FYN: variants seen among roughly 807,000 people sequenced by gnomAD.
The protein encoded by FYN is FYN proto-oncogene, Src family tyrosine kinase, also known as tyrosine-protein kinase Fyn.
In FYN, 10 loss-of-function variants were observed where a neutral mutation model predicts 70.2. The ratio of observed to expected loss-of-function variants is 0.14; its 90% CI spans 0.09 to 0.24. FYN has a LOEUF of 0.24. Ranked by LOEUF, FYN falls within the 10% of genes least tolerant of loss-of-function variation. FYN has a pLI of 1.00. For synonymous variants in FYN, 236 were observed against 248.6 expected (o/e 0.95, Z 0.48); for missense variants, 319 against 673.1 (o/e 0.47, Z 5.82).
In FYN at chr6:111,750,376, CCTCGCT is replaced by C. The variant is rs1279899632; in HGVS notation, c.-12+30184_-12+30189del. Reference sequence around the variant, plus strand: ...TCTCCTGCTCCCACCATGTGAGATGCCTCGCTTCCCCTTTGCCTTCCGCCATGATTG... The same window carrying C: ...TCTCCTGCTCCCACCATGTGAGATGCTCCCCTTTGCCTTCCGCCATGATTG... On this transcript the variant is annotated intron_variant, in intron 3 of 13. Transcript: ENST00000354650. Among the ~76,000 whole-genome samples the C allele has an allele frequency of 4.6e-5, 7 of 152,292 alleles. No homozygotes were observed. In the East Asian group the frequency reaches 1.4e-3, roughly 29 times the overall value.
rs548786047 is a variant in FYN at position 111,863,296 on chromosome 6, T to C, written c.-123+9672A>G. ...TTCTTAAAATATCCTTATGTGCATG[T>C]ATGTGCCTAGGTACAGGCAATACAT... On this transcript the variant is annotated intron_variant, in intron 1 of 13. Coordinates refer to ENST00000354650, the MANE Select transcript of FYN (RefSeq NM_002037.5). Among the ~76,000 whole-genome samples, 6 of 152,356 alleles carry C rather than the reference T, an allele frequency of 3.9e-5. No individual in the cohort carries two copies. The South Asian group carries it at 1.2e-3, about 32-fold the overall frequency.
intron 13 of FYN, 55 bp from the exon 14 acceptor site, chr6:111,662,002 C>T (rs1797755465): frequency 1.4e-6 from 2 of 1,422,594 alleles, no homozygotes; most frequent in Non-Finnish European, 1.9e-6. Flanking sequence ...GCCCTGACCG[C>T]CGCACTTGCA....
At chr6:111,693,433 C>T (rs1473088409) in intron 12 of FYN, among the ~76,000 whole-genome samples, 1 of 152,082 alleles carries the variant, frequency 6.6e-6, no homozygotes, top group Non-Finnish European at 1.5e-5. Context: ...AGCCTATACT[C>T]GATTGCAAAC....
chr6:111,714,574 T>C, intron 4 of FYN, 131 bp from the exon 5 acceptor site: 1 of 701,566 alleles, frequency 1.4e-6, no homozygotes. Context: ...GATGAAGTGT[T>C]GTAATTAACG....
intron 3 of FYN, among the ~76,000 whole-genome samples, chr6:111,756,829 T>C (rs1802757997): frequency 6.6e-6 from 1 of 152,148 alleles, no homozygotes; most frequent in Non-Finnish European, 1.5e-5. Flanking sequence ...TTTCATAATC[T>C]AATAGAAAGT....
intron 1 of FYN, among the ~76,000 whole-genome samples, chr6:111,858,125 G>C (rs1178418541): frequency 6.6e-6 from 1 of 152,094 alleles, no homozygotes; most frequent in Non-Finnish European, 1.5e-5. Context: ...ATTTCCCCAC[G>C]CCATGTACAG....
chr6:111,804,354 T>A (rs958587914), intron 2 of FYN, among the ~76,000 whole-genome samples: 1 of 152,176 alleles, frequency 6.6e-6, no homozygotes, highest in African/African-American at 2.4e-5. Flanking sequence ...TTCTGGGCAT[T>A]CCTTTCTTCC....
chr6:111,664,310 C>A (rs1444701502), intron 13 of FYN, among the ~76,000 whole-genome samples: 2 of 152,126 alleles, frequency 1.3e-5, no homozygotes, highest in Non-Finnish European at 2.9e-5. Flanking sequence ...GGTGCGGTTA[C>A]AGCCCCTGAA....
chr6:111,686,167 C>A (rs1583305234), intron 12 of FYN, among the ~76,000 whole-genome samples: 5 of 152,126 alleles, frequency 3.3e-5, no homozygotes, highest in Admixed American at 3.3e-4. Context: ...ACCTGCTCCC[C>A]CTAACTATTA....
chr6:111,705,333 A>T (rs1800023678), intron 6 of FYN, among the ~76,000 whole-genome samples: 1 of 150,898 alleles, frequency 6.6e-6, no homozygotes, highest in Admixed American at 6.6e-5. Flanking sequence ...AAGTAAAGGC[A>T]TTTATTTACC....
intron 3 of FYN, among the ~76,000 whole-genome samples, chr6:111,767,413 T>G (rs1803267871): frequency 6.6e-6 from 1 of 152,220 alleles, no homozygotes; most frequent in Admixed American, 6.5e-5. Flanking sequence ...TTTTTTTATT[T>G]TTCTTTTAGA....
chr6:111,707,283 T>A (rs1183456397), intron 6 of FYN, among the ~76,000 whole-genome samples: 1 of 152,160 alleles, frequency 6.6e-6, no homozygotes, highest in African/African-American at 2.4e-5. Context: ...GGGAGAAAGG[T>A]TATCCCTTTT....
In FYN at chr6:111,782,100, T is replaced by C. The variant is rs562594118; in HGVS notation, c.-81-1465A>G. 2.0e-5 allele frequency among the ~76,000 whole-genome samples: 3 copies of C among 152,346 alleles called. No homozygotes were observed. In the South Asian group the frequency reaches 6.2e-4, roughly 32 times the overall value. ...CATGCATGGACCCAGCTTTCAGGCC[T>C]AGCTTCATTCTCATTGACTTTTCCA... On this transcript the variant is annotated intron_variant, in intron 2 of 13. Coordinates refer to ENST00000354650, the MANE Select transcript of FYN (RefSeq NM_002037.5).
intron 3 of FYN, among the ~76,000 whole-genome samples, chr6:111,732,655 TC>T (rs1239327081): frequency 6.6e-6 from 1 of 152,200 alleles, no homozygotes. Flanking sequence ...TGTGGCCAGA[TC>T]ACTTAATTCT....
At chr6:111,768,117 G>A (rs1191879282) in intron 3 of FYN, among the ~76,000 whole-genome samples, 1 of 152,192 alleles carries the variant, frequency 6.6e-6, no homozygotes, top group African/African-American at 2.4e-5. Context: ...GTATGTGTGT[G>A]TGCACACATG....
intron 2 of FYN, among the ~76,000 whole-genome samples, chr6:111,812,604 C>CTTTTTTTTTTTTT (rs369326017): frequency 9.9e-6 from 1 of 101,284 alleles, no homozygotes; most frequent in African/African-American, 3.4e-5. Context: ...AGAAATTTTC[C>CTTTTTTTTTTTTT]TTTTTTTTTT....
At chr6:111,744,410 C>T (rs186400247) in intron 3 of FYN, among the ~76,000 whole-genome samples, 6 of 152,324 alleles carry the variant, frequency 3.9e-5, no homozygotes, top group African/African-American at 1.4e-4. Context: ...TGGCCTTCAG[C>T]CTGCAGTGGT....
intron 1 of FYN, among the ~76,000 whole-genome samples, chr6:111,867,888 C>T (rs1222243373): frequency 1.3e-5 from 2 of 152,182 alleles, no homozygotes; most frequent in Admixed American, 6.5e-5. Context: ...GGATAAAGTA[C>T]GTACAAGAAT....
chr6:111,751,837 T>C (rs2128487591), intron 3 of FYN, among the ~76,000 whole-genome samples: 1 of 152,260 alleles, frequency 6.6e-6, no homozygotes, highest in Non-Finnish European at 1.5e-5. Context: ...CAGGCTGGTG[T>C]TGAACTCCTG....
Sources: gnomAD v4.1 joint callset for allele counts (sites outside exome capture counted in the v4.1 genomes callset) on GRCh38, gnomAD v4.1.1 for gene constraint, MANE v1.5 for transcripts, NCBI Gene and HGNC (gene_info 2026-07-23, HGNC 2026-07-21) for gene names.